The following LIPG variants were observed in gnomAD, a reference collection of about 807,000 sequenced individuals.
The protein encoded by LIPG is endothelial lipase.
Under a neutral mutation model 51.8 loss-of-function variants are expected in LIPG, and 34 were observed. The ratio of observed to expected loss-of-function variants is 0.66; its 90% confidence interval spans 0.50 to 0.87. The LOEUF (loss-of-function observed/expected upper bound fraction) is 0.87, where lower values mean the gene tolerates loss of function less well. LIPG is among the 40% of genes least tolerant of loss of function. The pLI is 0.00. For synonymous variants in LIPG, 246 were observed against 246.1 expected, an observed-to-expected ratio of 1.00 and a Z score of 0.00; for missense variants, 580 against 652.7, an observed-to-expected ratio of 0.89 and a Z score of 1.21.
intron 4 of LIPG, among the ~76,000 whole-genome samples, chr18:49,570,486 C>T (rs1201777164): frequency 6.6e-6 from 1 of 152,098 alleles, no homozygotes; most frequent in African/African-American, 2.4e-5. Context: ...AGGGTGATCA[C>T]CTAGAAGGAT....
Position 49,583,312 on chromosome 18 carries a change from G to A in LIPG, c.1158-244G>A, listed in dbSNP as rs991519826. Among the ~76,000 whole-genome samples, 6 of 152,156 alleles carry A rather than the reference G, an allele frequency of 3.9e-5. No homozygotes were observed. In the South Asian group the frequency reaches 6.2e-4, roughly 16 times the overall value. On this transcript the variant is annotated intron_variant, in intron 7 of 9. Coordinates refer to ENST00000261292, the MANE Select transcript of LIPG (RefSeq NM_006033.4). The stretch of plus-strand genomic sequence containing the variant: ...GTAGCATAAGTGGGGTGGAGGGGGT[G>A]CCCAGGAATCGTTTTGATAAGAAGC...
chr18:49,575,624 C>G (rs2084708084), intron 5 of LIPG, 34 bp downstream of exon 5: 1 of 1,567,154 alleles, frequency 6.4e-7, no homozygotes, highest in Non-Finnish European at 8.8e-7. Flanking sequence ...GTGTTTGACT[C>G]AGTTTATTCC....
chr18:49,590,481 T>G lies in LIPG; in HGVS notation c.1482-20T>G. 1 of 1,598,926 alleles carries G rather than the reference T, an allele frequency of 6.3e-7. No homozygotes were observed. Among genetic ancestry groups the G allele is most frequent in the Admixed American group, 1.7e-5 (1 of 58,666 alleles). On this transcript the variant is annotated intron_variant, in intron 9 of 9. Transcript: ENST00000261292. The stretch of plus-strand genomic sequence containing the variant: ...TGGTGTGTGAGCTAACAAATGCCAC[T>G]CTCACACGGTTTCTTTCAGTCCCAC...
chr18:49,568,605 T>A (rs1292130170), intron 3 of LIPG, among the ~76,000 whole-genome samples: 1 of 151,986 alleles, frequency 6.6e-6, no homozygotes, highest in Non-Finnish European at 1.5e-5. Flanking sequence ...AGTTTCTAAC[T>A]CCTGACCTCA....
At chr18:49,587,555 T>A (rs1424022482) in intron 9 of LIPG, among the ~76,000 whole-genome samples, 13 of 107,570 alleles carry the variant, frequency 1.2e-4, no homozygotes, top group Non-Finnish European at 1.8e-4. Context: ...GGTGACAGAG[T>A]GAGACTCCGT....
At chr18:49,577,707 A>T (rs1259517672) in intron 5 of LIPG, among the ~76,000 whole-genome samples, 1 of 68,626 alleles carries the variant, frequency 1.5e-5, no homozygotes, top group Non-Finnish European at 2.8e-5. Context: ...TGACCCCCCA[A>T]CCTCCCTCCC....
intron 1 of LIPG, among the ~76,000 whole-genome samples, chr18:49,562,647 C>T (rs1460826623): frequency 3.9e-5 from 6 of 152,198 alleles, no homozygotes; most frequent in African/African-American, 1.4e-4. Context: ...CCAGCCCTCC[C>T]ACCCCCACCT....
intron 5 of LIPG, among the ~76,000 whole-genome samples, chr18:49,579,031 A>C (rs1204214100): frequency 0.029 from 2 of 68 alleles, no homozygotes; most frequent in East Asian, 0.25. Flanking sequence ...GGAGAGGGAG[A>C]GGGAGAGGGA....
At chr18:49,575,337 C>A (rs1489345990) in intron 4 of LIPG, 32 bp from the exon 5 acceptor site, 1 of 1,593,178 alleles carries the variant, frequency 6.3e-7, no homozygotes, top group Non-Finnish European at 8.6e-7. Context: ...CACCTGACAC[C>A]ACAGCTGTTT....
Position 49,596,651 on chromosome 18 carries a change from A to AT in LIPG, c.*6129_*6130insT, listed in dbSNP as rs2084984345. 1 of 151,272 alleles carries AT rather than the reference A, an allele frequency of 6.6e-6. No individual in the cohort carries two copies. Among genetic ancestry groups the AT allele is most frequent in the African/African-American group, 2.4e-5 (1 of 41,178 alleles). 9.4% of individuals were successfully genotyped at this position (151,272 alleles called of 1,614,324 possible). ...TCTCTATCTCAAAAAAAAAAAAAAA[A>AT]AAAAAAAGGCCACAGAAATGTCCAT... On this transcript the variant is annotated 3_prime_UTR_variant, in exon 10 of 10. Coordinates refer to ENST00000261292, the MANE Select transcript of LIPG (RefSeq NM_006033.4).
chr18:49,575,290 C>T (rs2084703730), intron 4 of LIPG, 79 bp from the exon 5 acceptor site: 3 of 1,125,112 alleles, frequency 2.7e-6, no homozygotes, highest in Admixed American at 1.8e-5. Flanking sequence ...TCTGCACACT[C>T]AGACTTAACT....
chr18:49,586,003 T>C (rs540640268), intron 8 of LIPG, among the ~76,000 whole-genome samples: 208 of 152,310 alleles, frequency 1.4e-3, no homozygotes, highest in African/African-American at 4.7e-3. Flanking sequence ...GGGGCTTTTG[T>C]CCTGCCTCAG....
rs140671465 is a variant in LIPG at position 49,595,181 on chromosome 18, T to G, written c.*4659T>G. 142 of 152,366 alleles carry G rather than the reference T, an allele frequency of 9.3e-4. No homozygotes were observed. Among genetic ancestry groups the G allele is most frequent in the African/African-American group, 3.2e-3 (135 of 41,584 alleles). The allele number at this position is 152,366 out of a possible 1,614,324, so 9.4% of individuals were successfully genotyped here. A position where few individuals can be genotyped will look rare whatever the true frequency, so the allele number is the denominator to read the frequency against. ...TAAGCTCTCTGATGGCACAGATTTT[T>G]ATCTGGCTTGTTTTCTGCCGTTATC... On this transcript the variant is annotated 3_prime_UTR_variant, in exon 10 of 10. Coordinates refer to ENST00000261292, the MANE Select transcript of LIPG (RefSeq NM_006033.4).
chr18:49,588,624 C>T (rs2084909537), intron 9 of LIPG, among the ~76,000 whole-genome samples: 1 of 152,048 alleles, frequency 6.6e-6, no homozygotes, highest in South Asian at 2.1e-4. Context: ...TTTTGGGAAA[C>T]AGAAATGCCC....
At chr18:49,570,346 T>A (rs2084649730) in intron 4 of LIPG, among the ~76,000 whole-genome samples, 1 of 152,206 alleles carries the variant, frequency 6.6e-6, no homozygotes, top group Non-Finnish European at 1.5e-5. Flanking sequence ...TTTGGGCCCC[T>A]CAAGTATATA....
At position 49,579,743 on chromosome 18, in the gene LIPG, T is replaced by TCTTTC. The variant is rs373290539; in HGVS notation, c.794-1651_794-1647dup. Among the ~76,000 whole-genome samples the TCTTTC allele has an allele frequency of 5.0e-3, 655 of 131,042 alleles. 6 individuals carry two copies. The highest frequency in any genetic ancestry group is 9.3e-3 in the East Asian group (45 of 4,862). 86.0% of individuals were successfully genotyped at this position (131,042 alleles called of 152,430 possible). On this transcript the variant is annotated intron_variant, in intron 5 of 9. Transcript: ENST00000261292. ...CCTCAGAATATAGGATGATGGCCTT[T>TCTTTC]CTTTCCTTTCCTTTCCTTTCCTTTC...
intron 5 of LIPG, among the ~76,000 whole-genome samples, chr18:49,577,622 A>G (rs1241683699): frequency 1.4e-5 from 2 of 144,906 alleles, no homozygotes; most frequent in Non-Finnish European, 3.0e-5. Context: ...CACCTCCCGG[A>G]CGGGGCGGCT....
chr18:49,570,549 G>C (rs1046664746), intron 4 of LIPG, among the ~76,000 whole-genome samples: 1 of 152,190 alleles, frequency 6.6e-6, no homozygotes, highest in Non-Finnish European at 1.5e-5. Flanking sequence ...ACAAAACTCA[G>C]GCTGGGTGTG....
At position 49,583,781 on chromosome 18, in the gene LIPG, G is replaced by T. The variant is rs1199208515; in HGVS notation, c.1376+7G>T. The T allele has an allele frequency of 1.2e-6, 2 of 1,606,052 alleles. No individual in the cohort carries two copies. Among genetic ancestry groups the T allele is most frequent in the Non-Finnish European group, 1.7e-6 (2 of 1,176,540 alleles). On this transcript the variant is annotated splice_region_variant and intron_variant, in intron 8 of 9. Transcript: ENST00000261292. Reference sequence around the variant, plus strand: ...CTGGGGAAACCCAGCGGAAGTAAGTGCCTCCTGCTCCTTCTTCTGCCTGGT... The same window carrying T: ...CTGGGGAAACCCAGCGGAAGTAAGTTCCTCCTGCTCCTTCTTCTGCCTGGT...
Sources: allele counts gnomAD v4.1 joint callset (sites outside exome capture counted in the v4.1 genomes callset), GRCh38; gene constraint gnomAD v4.1.1; transcripts MANE v1.5; gene names NCBI Gene and HGNC (gene_info 2026-07-23, HGNC 2026-07-21).